The following CCDC27 variants were observed in gnomAD, a reference collection of about 807,000 sequenced individuals.
CCDC27 encodes the protein coiled-coil domain containing 27.
Under a neutral mutation model 80.3 loss-of-function variants are expected in CCDC27, and 80 were observed. The ratio of observed to expected loss-of-function variants is 1.00; its 90% confidence interval spans 0.83 to 1.20. CCDC27 has a LOEUF of 1.20. CCDC27 is among the 50% of genes most tolerant of loss of function. The pLI is 0.00. For missense variants in CCDC27, 815 were observed against 809.4 expected (o/e 1.01, Z -0.08); for synonymous variants, 342 against 334.3 (o/e 1.02, Z -0.25).
In CCDC27 at chr1:3,761,518, G is replaced by A. The variant is rs1643085676; in HGVS notation, c.861+88G>A. ...AGCTGCTAGTGACACACAGGCCCCTGGCAAACCCCCAGGCCCCCTGGATCC... is the reference window on the plus strand; with the variant it reads ...AGCTGCTAGTGACACACAGGCCCCTAGCAAACCCCCAGGCCCCCTGGATCC... On this transcript the variant is annotated intron_variant, in intron 5 of 11. Coordinates refer to ENST00000294600, the MANE Select transcript of CCDC27 (RefSeq NM_152492.3). The surrounding 1 kb of genome is among the most constrained non-coding windows in gnomAD (Gnocchi z 5.0). The A allele has an allele frequency of 1.1e-5, 17 of 1,482,352 alleles. No individual in the cohort carries two copies. In the South Asian group the frequency reaches 2.1e-4, roughly 18 times the overall value. 91.8% of individuals were successfully genotyped at this position (1,482,352 alleles called of 1,614,324 possible).
Position 3,752,616 on chromosome 1 carries a change from G to A in CCDC27, c.135G>A (p.Met45Ile), listed in dbSNP as rs777269181. 1 of 1,614,094 alleles carries A rather than the reference G, an allele frequency of 6.2e-7. No homozygotes were observed. The highest frequency in any genetic ancestry group is 2.2e-5 in the East Asian group (1 of 44,896). The change falls in exon 1 of 12, where the codon ATG (methionine) becomes ATA (isoleucine). Residue 45 changes from methionine to isoleucine, a missense_variant. Coordinates refer to ENST00000294600, the MANE Select transcript of CCDC27 (RefSeq NM_152492.3). ...TTGGTCTTTGCATCCCACGCCTCATGTTACCTAAGGAGGCCAGCCCATCTC... is the reference window on the plus strand; with the variant it reads ...TTGGTCTTTGCATCCCACGCCTCATATTACCTAAGGAGGCCAGCCCATCTC... The part of the protein sequence containing the change: ...SSLGLCIPRL[M>I]LPKEASPSQR...
At position 3,763,875 on chromosome 1, in the gene CCDC27, A is replaced by G. The variant is rs1416082501; in HGVS notation, c.1452+39A>G. On this transcript the variant is annotated intron_variant, in intron 8 of 11. Coordinates refer to ENST00000294600, the MANE Select transcript of CCDC27 (RefSeq NM_152492.3). The surrounding 1 kb of genome is among the most constrained non-coding windows in gnomAD (Gnocchi z 7.5). ...CAGTACCGGCCTCCGCTCCATGAGC[A>G]TGGGCCCCAGGCTTCATTAACCCCC... 4 of 1,606,084 alleles carry G rather than the reference A, an allele frequency of 2.5e-6. No individual in the cohort carries two copies. Among genetic ancestry groups the G allele is most frequent in the Admixed American group, 3.4e-5 (2 of 59,512 alleles).
Position 3,762,634 on chromosome 1 carries a change from C to T in CCDC27, c.876C>T (p.Asp292=), listed in dbSNP as rs375200194. ...GCGTCTTGCAGGAGCAGCTCTCAGA[C>T]GCTTCGCTGAAGCTGGGCAGGCTGA... The part of the protein sequence containing the change: ...MSPGRREQLS[D]ASLKLGRLSL... Residue 292 remains aspartate (D), a synonymous_variant, in exon 6 of 12, where the codon GAC becomes GAT. Coordinates refer to ENST00000294600, the MANE Select transcript of CCDC27 (RefSeq NM_152492.3). The T allele has an allele frequency of 5.6e-5, 87 of 1,550,682 alleles. No homozygotes were observed. The highest frequency in any genetic ancestry group is 3.4e-4 in the East Asian group (14 of 40,910).
intron 8 of CCDC27, among the ~76,000 whole-genome samples, chr1:3,764,487 C>T (rs1279192111): frequency 6.6e-6 from 1 of 152,060 alleles, no homozygotes; most frequent in Non-Finnish European, 1.5e-5. Flanking sequence ...CCTCCCTTGC[C>T]ACCGCCCCCC....
intron 8 of CCDC27, among the ~76,000 whole-genome samples, chr1:3,765,000 A>G (rs1356809643): frequency 6.8e-6 from 1 of 146,048 alleles, no homozygotes. Flanking sequence ...GCACCATTGC[A>G]CTCCAGTCTG....
In CCDC27 at chr1:3,761,557, C is replaced by T; in HGVS notation, c.861+127C>T. On this transcript the variant is annotated intron_variant, in intron 5 of 11. Coordinates refer to ENST00000294600, the MANE Select transcript of CCDC27 (RefSeq NM_152492.3). This position sits in a 1 kb window ranked among gnomAD's most constrained non-coding sequence, Gnocchi z 5.0. ...CCCCCTGGATCCTATCAGGTCCTCA[C>T]TGGAACGTGGACCGGTTCTCAGGGT... 9.0e-7 allele frequency: 1 copy of T among 1,107,012 alleles called. No homozygotes were observed. Among genetic ancestry groups the T allele is most frequent in the Non-Finnish European group, 1.3e-6 (1 of 787,786 alleles). The allele number at this position is 1,107,012 out of a possible 1,614,324, so 68.6% of individuals were successfully genotyped here. A position where few individuals can be genotyped will look rare whatever the true frequency, so the allele number is the denominator to read the frequency against.
chr1:3,770,582 G>A (rs1347860816), intron 11 of CCDC27, among the ~76,000 whole-genome samples: 1 of 152,216 alleles, frequency 6.6e-6, no homozygotes, highest in East Asian at 1.9e-4. Context: ...CTACGAAGGG[G>A]TCACCTCTCA....
rs1643249156 is a variant in CCDC27, at chr1:3,767,300, TCAG to T, written c.1600_1602del (p.Ser534del). On this transcript the variant is annotated inframe_deletion, in exon 10 of 12. Coordinates refer to ENST00000294600, the MANE Select transcript of CCDC27 (RefSeq NM_152492.3). ...GTCATCTCAGAGTTGGACACCAAGG[TCAG>T]CCAGCTGCAGGAGCAGGTGGAACTG... The T allele has an allele frequency of 3.1e-6, 5 of 1,613,978 alleles. No individual in the cohort carries two copies. Among genetic ancestry groups the T allele is most frequent in the Non-Finnish European group, 4.2e-6 (5 of 1,179,982 alleles).
At position 3,762,656 on chromosome 1, in the gene CCDC27, C is replaced by G; in HGVS notation, c.898C>G (p.Leu300Val). Residue 300 changes from leucine to valine, a missense_variant, in exon 6 of 12, where the codon CTG (leucine) becomes GTG (valine). Transcript: ENST00000294600. ...AGACGCTTCGCTGAAGCTGGGCAGG[C>G]TGAGCCTCCTGAAGGCCTTCTCCAG... ...LSDASLKLGR[L>V]SLLKAFSRHE... 2 of 1,550,270 alleles carry G rather than the reference C, an allele frequency of 1.3e-6. No homozygotes were observed. The highest frequency in any genetic ancestry group is 2.0e-4 in the Middle Eastern group (1 of 5,058).
Position 3,762,746 on chromosome 1 carries a change from G to T in CCDC27, c.954+34G>T, listed in dbSNP as rs192646560. Reference sequence around the variant, plus strand: ...CGCCTGGAGAGCAGGCACGCAGTGGGGGACCCGGGCCCAGGAGCCACCTAG... The same window carrying T: ...CGCCTGGAGAGCAGGCACGCAGTGGTGGACCCGGGCCCAGGAGCCACCTAG... On this transcript the variant is annotated intron_variant, in intron 6 of 11. Transcript: ENST00000294600. 1.1e-3 allele frequency: 1,628 copies of T among 1,533,572 alleles called. 9 individuals carry two copies. In the Admixed American group the frequency reaches 0.013, roughly 12 times the overall value. 95.0% of individuals were successfully genotyped at this position (1,533,572 alleles called of 1,614,324 possible).
Position 3,767,261 on chromosome 1 carries a change from C to A in CCDC27, c.1559C>A (p.Thr520Asn). ...GTGTCGGAACTGGAGAGAAAGCTCACCAAGCGGGACTGTGTCATCTCAGAG... is the reference window on the plus strand; with the variant it reads ...GTGTCGGAACTGGAGAGAAAGCTCAACAAGCGGGACTGTGTCATCTCAGAG... ...QQVSELERKLTKRDCVISELD... is the reference protein window; with the variant it reads ...QQVSELERKLNKRDCVISELD... The change falls in exon 10 of 12, where the codon ACC (threonine) becomes AAC (asparagine). Residue 520 changes from threonine to asparagine, a missense_variant. Thr to Asn is a moderately conservative substitution (Grantham distance 65). Transcript: ENST00000294600. 1 of 1,614,046 alleles carries A rather than the reference C, an allele frequency of 6.2e-7. No homozygotes were observed. The highest frequency in any genetic ancestry group is 1.1e-5 in the South Asian group (1 of 91,082).
intron 11 of CCDC27, among the ~76,000 whole-genome samples, chr1:3,770,258 C>G (rs1489923842): frequency 6.6e-6 from 1 of 152,208 alleles, no homozygotes; most frequent in Non-Finnish European, 1.5e-5. Flanking sequence ...GTCCCCTCCG[C>G]TGGTATCACC....
rs757145057 is a variant in CCDC27, at chr1:3,761,476, G to A, written c.861+46G>A. 1.3e-5 allele frequency: 21 copies of A among 1,590,618 alleles called. No individual in the cohort carries two copies. The highest frequency in any genetic ancestry group is 2.2e-5 in the East Asian group (1 of 44,610). On this transcript the variant is annotated intron_variant, in intron 5 of 11. Coordinates refer to ENST00000294600, the MANE Select transcript of CCDC27 (RefSeq NM_152492.3). This position sits in a 1 kb window ranked among gnomAD's most constrained non-coding sequence, Gnocchi z 5.0. ...CACAGCGCAGAGCTCTAAGACGGTT[G>A]TTTTCAAAGCGTCCAAAGCTGCTAG...
rs145525732 is a variant in CCDC27 at position 3,752,766 on chromosome 1, G to T, written c.285G>T (p.Ser95=). The T allele has an allele frequency of 9.9e-6, 16 of 1,613,142 alleles. No individual in the cohort carries two copies. In the African/African-American group the frequency reaches 2.1e-4, roughly 21 times the overall value. Residue 95 remains serine, a synonymous_variant, in exon 1 of 12, where the codon TCG becomes TCT. Transcript: ENST00000294600. ...AAAAGCCACGCACGCTCAGCAAGTC[G>T]GTCCAGACCATCAGCCGCTACTACA... ...PHQKPRTLSK[S]VQTISRYYRK... is the part of the protein sequence containing the mutation.
At position 3,760,689 on chromosome 1, in the gene CCDC27, C is replaced by T. The variant is rs1412563038; in HGVS notation, c.712-592C>T. Among the ~76,000 whole-genome samples, 1 of 152,190 alleles carries T rather than the reference C, an allele frequency of 6.6e-6. No individual in the cohort carries two copies. The highest frequency in any genetic ancestry group is 1.5e-5 in the Non-Finnish European group (1 of 68,036). On this transcript the variant is annotated intron_variant, in intron 4 of 11. Coordinates refer to ENST00000294600, the MANE Select transcript of CCDC27 (RefSeq NM_152492.3). The surrounding 1 kb of genome is among the most constrained non-coding windows in gnomAD (Gnocchi z 4.3). ...GGGACTTTCTAGTTATCTTTCCTTC[C>T]AGAATATTCTGTTGGGATCATTTTC... is the stretch of plus-strand genomic sequence containing the variant.
At position 3,761,048 on chromosome 1, in the gene CCDC27, T is replaced by C. The variant is rs1400480691; in HGVS notation, c.712-233T>C. Among the ~76,000 whole-genome samples, 1 of 152,156 alleles carries C rather than the reference T, an allele frequency of 6.6e-6. No homozygotes were observed. The highest frequency in any genetic ancestry group is 1.5e-5 in the Non-Finnish European group (1 of 68,030). On this transcript the variant is annotated intron_variant, in intron 4 of 11. Transcript: ENST00000294600. This position sits in a 1 kb window ranked among gnomAD's most constrained non-coding sequence, Gnocchi z 5.0. Reference sequence around the variant, plus strand: ...ATTTAGGATCTGTTCTTAGGATGGGTGCAGAGGCGCTGGAGGTGCCAGGCA... The same window carrying C: ...ATTTAGGATCTGTTCTTAGGATGGGCGCAGAGGCGCTGGAGGTGCCAGGCA...
At chr1:3,753,986 T>G in intron 1 of CCDC27, 132 bp from the exon 2 acceptor site, 1 of 1,304,118 alleles carries the variant, frequency 7.7e-7, no homozygotes, top group Non-Finnish European at 1.1e-6. Flanking sequence ...GGGGTCTGCA[T>G]CTACATACGA....
In CCDC27 at chr1:3,763,715, C is replaced by T. The variant is rs201805523; in HGVS notation, c.1331C>T (p.Ala444Val). ...CTGCCTCTGTGCCCAGGAGTGATTG[C>T]GTCTTTACAACAACAAGTGGATTTC... The part of the protein sequence containing the change: ...TRYSLATGVI[A>V]SLQQQVDFQE... Residue 444 changes from alanine (A) to valine (V), a missense_variant, in exon 8 of 12, where the codon GCG becomes GTG. Ala to Val is a moderately conservative substitution (Grantham distance 64). Coordinates refer to ENST00000294600, the MANE Select transcript of CCDC27 (RefSeq NM_152492.3). The surrounding 1 kb of genome is among the most constrained non-coding windows in gnomAD (Gnocchi z 7.5). 138 of 1,613,978 alleles carry T rather than the reference C, an allele frequency of 8.6e-5. No homozygotes were observed. The highest frequency in any genetic ancestry group is 1.0e-4 in the Non-Finnish European group (121 of 1,179,986).
intron 2 of CCDC27, 117 bp from the exon 3 acceptor site, chr1:3,755,340 T>TA (rs974310804): frequency 1.2e-5 from 10 of 857,338 alleles, no homozygotes; most frequent in African/African-American, 1.7e-5. Context: ...ATGCATCCAT[T>TA]AAAAAAAGCC....
Sources: gnomAD v4.1 joint callset for allele counts (sites outside exome capture counted in the v4.1 genomes callset) on GRCh38, gnomAD v4.1.1 for gene constraint, Gnocchi (gnomAD v3.1) non-coding constraint, MANE v1.5 for transcripts, NCBI Gene and HGNC (gene_info 2026-07-23, HGNC 2026-07-21) for gene names.